The following BTBD9 variants were observed in gnomAD, a reference collection of about 807,000 sequenced individuals.
BTBD9 encodes the protein BTB domain containing 9.
A neutral mutation model predicts 64.3 loss-of-function variants in BTBD9; 49 were observed. That is an observed-to-expected ratio of 0.76 (90% CI 0.61 to 0.97). The LOEUF is 0.97. BTBD9 is among the 50% of genes least tolerant of loss of function. The probability of loss-of-function intolerance (pLI) is 0.00; values close to 1 mark genes in which losing one functional copy is unlikely to be tolerated. For synonymous variants in BTBD9, 260 were observed against 274.7 expected, an observed-to-expected ratio of 0.95 and a Z score of 0.53; for missense variants, 598 against 762.1, an observed-to-expected ratio of 0.78 and a Z score of 2.53.
At chr6:38,512,375 T>C (rs1772815677) in intron 6 of BTBD9, among the ~76,000 whole-genome samples, 1 of 152,248 alleles carries the variant, frequency 6.6e-6, no homozygotes, top group South Asian at 2.1e-4. Context: ...ATATGGTGAC[T>C]ATTAATTAGG....
At chr6:38,314,961 TGCCTCA>T (rs1412853542) in intron 7 of BTBD9, among the ~76,000 whole-genome samples, 1 of 152,196 alleles carries the variant, frequency 6.6e-6, no homozygotes, top group African/African-American at 2.4e-5. Context: ...GCTATTCTCC[TGCCTCA>T]GCCTCCAAGT....
At chr6:38,211,949 T>A (rs748666721) in intron 9 of BTBD9, among the ~76,000 whole-genome samples, 38 of 152,192 alleles carry the variant, frequency 2.5e-4, no homozygotes, top group Admixed American at 2.0e-4. Context: ...GTCCACCAAT[T>A]GACTCTTCTC....
chr6:38,289,954 C>T lies in BTBD9; in HGVS notation c.1265-1493G>A, dbSNP rs558813681. Reference sequence around the variant, plus strand: ...TTCTTCAGACATTTAAGTTATTTAACCAAAACCTACTTACATTCAAGGTTT... The same window carrying T: ...TTCTTCAGACATTTAAGTTATTTAATCAAAACCTACTTACATTCAAGGTTT... On this transcript the variant is annotated intron_variant, in intron 7 of 10. Coordinates refer to ENST00000481247, the MANE Select transcript of BTBD9 (RefSeq NM_001099272.2). 2.6e-5 allele frequency among the ~76,000 whole-genome samples: 4 copies of T among 152,116 alleles called. No homozygotes were observed. In the South Asian group the frequency reaches 8.3e-4, roughly 32 times the overall value.
intron 6 of BTBD9, among the ~76,000 whole-genome samples, chr6:38,457,896 C>T (rs987594098): frequency 6.6e-6 from 1 of 152,114 alleles, no homozygotes; most frequent in African/African-American, 2.4e-5. Context: ...ATTAACAAAT[C>T]GTATTGCCTG....
At chr6:38,509,745 T>G (rs899999691) in intron 6 of BTBD9, among the ~76,000 whole-genome samples, 5 of 152,212 alleles carry the variant, frequency 3.3e-5, no homozygotes, top group African/African-American at 9.7e-5. Context: ...CATCTTTATA[T>G]TTCCCTCATT....
At chr6:38,614,860 G>A (rs1047170711) in intron 1 of BTBD9, among the ~76,000 whole-genome samples, 45 of 152,192 alleles carry the variant, frequency 3.0e-4, no homozygotes, top group African/African-American at 8.9e-4. Context: ...CCATGCAGGA[G>A]CCAGAAAGAA....
chr6:38,523,564 T>C (rs1773358515), intron 6 of BTBD9, among the ~76,000 whole-genome samples: 3 of 152,142 alleles, frequency 2.0e-5, no homozygotes, highest in African/African-American at 4.8e-5. Flanking sequence ...ACACACCTTG[T>C]AGTCTCCCTG....
Position 38,541,573 on chromosome 6 carries a change from C to T in BTBD9, c.1154+36027G>A, listed in dbSNP as rs150710250. Among the ~76,000 whole-genome samples, 445 of 152,292 alleles carry T rather than the reference C, an allele frequency of 2.9e-3. 14 individuals carry two copies. The East Asian group carries it at 0.064, about 22-fold the overall frequency. ...CTAATATGGCGAAGCCCCGTCTCTA[C>T]TAAAAATACAAAAAATTAGCCGGGC... On this transcript the variant is annotated intron_variant, in intron 6 of 10. Coordinates refer to ENST00000481247, the MANE Select transcript of BTBD9 (RefSeq NM_001099272.2).
chr6:38,528,923 A>G (rs965778557), intron 6 of BTBD9, among the ~76,000 whole-genome samples: 9 of 152,104 alleles, frequency 5.9e-5, no homozygotes, highest in African/African-American at 2.2e-4. Flanking sequence ...TAAATGGGAC[A>G]TTGTCTTGCA....
At chr6:38,266,634 GAAA>G (rs1471087106) in intron 8 of BTBD9, among the ~76,000 whole-genome samples, 2 of 92,216 alleles carry the variant, frequency 2.2e-5, no homozygotes, top group Non-Finnish European at 4.4e-5. Flanking sequence ...AAGAAAGAAA[GAAA>G]GAAAGAAAGA....
chr6:38,459,388 T>A (rs190564329), intron 6 of BTBD9, among the ~76,000 whole-genome samples: 15 of 152,326 alleles, frequency 9.8e-5, no homozygotes, highest in Non-Finnish European at 2.1e-4. Context: ...CTCCAGCTAG[T>A]TTGCAGTTAG....
rs1237419905 is a variant in BTBD9, at chr6:38,173,811, T to G, written c.*1174A>C. ...CTGGGGACAGCGGAGGGGCAGGCAATGTTGTGCGCAGTTACCCAGGGCAGG... is the reference window on the plus strand; with the variant it reads ...CTGGGGACAGCGGAGGGGCAGGCAAGGTTGTGCGCAGTTACCCAGGGCAGG... On this transcript the variant is annotated 3_prime_UTR_variant, in exon 11 of 11. Coordinates refer to ENST00000481247, the MANE Select transcript of BTBD9 (RefSeq NM_001099272.2). The G allele has an allele frequency of 6.6e-6, 1 of 152,140 alleles. No individual in the cohort carries two copies. Among genetic ancestry groups the G allele is most frequent in the Non-Finnish European group, 1.5e-5 (1 of 68,082 alleles). The allele number at this position is 152,140 out of a possible 1,614,324, so 9.4% of individuals were successfully genotyped here.
chr6:38,363,932 T>C (rs2127599837), intron 6 of BTBD9, among the ~76,000 whole-genome samples: 1 of 152,306 alleles, frequency 6.6e-6, no homozygotes, highest in South Asian at 2.1e-4. Flanking sequence ...TTAAACCTTG[T>C]GGGCTCCACT....
chr6:38,633,918 T>G (rs1328175547), intron 1 of BTBD9, among the ~76,000 whole-genome samples: 3 of 152,162 alleles, frequency 2.0e-5, no homozygotes, highest in African/African-American at 7.2e-5. Context: ...CAATATAATC[T>G]TAAGATTATA....
At chr6:38,238,490 T>TTTTTTG (rs1763872055) in intron 9 of BTBD9, among the ~76,000 whole-genome samples, 1 of 150,354 alleles carries the variant, frequency 6.7e-6, no homozygotes, top group African/African-American at 2.5e-5. Context: ...TTTTTTTTTT[T>TTTTTTG]GAGACGGAGT....
rs61016424 is a variant in BTBD9, at chr6:38,425,927, TACACACAC to T, written c.1155-80842_1155-80835del. On this transcript the variant is annotated intron_variant, in intron 6 of 10. Coordinates refer to ENST00000481247, the MANE Select transcript of BTBD9 (RefSeq NM_001099272.2). ...GTGAGACCCTATCTCAAGAAACACA[TACACACAC>T]ACACACACACACACACACACACAAA... Among the ~76,000 whole-genome samples the T allele has an allele frequency of 5.1e-5, 7 of 137,072 alleles. No homozygotes were observed. In the East Asian group the frequency reaches 1.3e-3, roughly 25 times the overall value. The allele number at this position is 137,072 out of a possible 152,430, so 89.9% of individuals were successfully genotyped here. A position where few individuals can be genotyped will look rare whatever the true frequency, so the allele number is the denominator to read the frequency against.
At chr6:38,486,308 C>T (rs1027376628) in intron 6 of BTBD9, among the ~76,000 whole-genome samples, 1 of 152,198 alleles carries the variant, frequency 6.6e-6, no homozygotes, top group Non-Finnish European at 1.5e-5. Context: ...AGTGCTTGGA[C>T]TTTCCTTCAA....
At chr6:38,475,672 T>C (rs750972342) in intron 6 of BTBD9, among the ~76,000 whole-genome samples, 1 of 152,172 alleles carries the variant, frequency 6.6e-6, no homozygotes, top group Non-Finnish European at 1.5e-5. Context: ...AACAAGTTAT[T>C]CCAATATAAG....
chr6:38,241,828 G>A (rs1160484980), intron 9 of BTBD9, among the ~76,000 whole-genome samples: 1 of 152,124 alleles, frequency 6.6e-6, no homozygotes, highest in Non-Finnish European at 1.5e-5. Flanking sequence ...TTTCGTGGAA[G>A]GAAACAGTCT....
Sources: allele counts gnomAD v4.1 joint callset (sites outside exome capture counted in the v4.1 genomes callset), GRCh38; gene constraint gnomAD v4.1.1; transcripts MANE v1.5; gene names NCBI Gene and HGNC (gene_info 2026-07-23, HGNC 2026-07-21).